Variants in SCRN1 observed in about 807,000 individuals in gnomAD.
SCRN1 encodes the protein secernin-1.
Under a neutral mutation model 43.3 loss-of-function variants are expected in SCRN1, and 19 were observed. The observed-to-expected ratio is 0.44, with a 90% CI of 0.31 to 0.64. SCRN1 has a LOEUF of 0.64. Among genes scored for constraint, SCRN1 ranks in the 30% least tolerant of loss-of-function variants. The pLI, the probability that SCRN1 is intolerant of heterozygous loss-of-function variation, is 0.09. For synonymous variants in SCRN1, 183 were observed against 188.9 expected (o/e 0.97, Z 0.26); for missense variants, 447 against 524.1 (o/e 0.85, Z 1.44).
chr7:29,954,917 G>T (rs1453496199), intron 3 of SCRN1, among the ~76,000 whole-genome samples: 1 of 152,112 alleles, frequency 6.6e-6, no homozygotes, highest in African/African-American at 2.4e-5. Context: ...CTGACCTCAG[G>T]TGATCCACCT....
At position 29,985,095 on chromosome 7, in the gene SCRN1, G is replaced by C. The variant is rs371910713; in HGVS notation, c.-2+4547C>G. On this transcript the variant is annotated intron_variant, in intron 1 of 7. Coordinates refer to ENST00000242059, the MANE Select transcript of SCRN1 (RefSeq NM_014766.5). ...CCAGTGAAGTTGGTAGACAGCTCTT[G>C]TTCATCTCATCCTAAAAGGAAGGAG... is the stretch of plus-strand genomic sequence containing the variant. Among the ~76,000 whole-genome samples the C allele has an allele frequency of 2.1e-5, 3 of 142,800 alleles. No individual in the cohort carries two copies. In the East Asian group the frequency reaches 6.0e-4, roughly 29 times the overall value. The allele number at this position is 142,800 out of a possible 152,430, so 93.7% of individuals were successfully genotyped here. A position where few individuals can be genotyped will look rare whatever the true frequency, so the allele number is the denominator to read the frequency against.
upstream of SCRN1, chr7:29,990,089 G>A: frequency 6.5e-7 from 1 of 1,543,284 alleles, no homozygotes; most frequent in East Asian, 2.5e-5. Context: ...GCCAGGCCCA[G>A]CATCCTTTTG....
chr7:29,985,198 G>GT lies in SCRN1; in HGVS notation c.-2+4443dup, dbSNP rs1036147668. On this transcript the variant is annotated intron_variant, in intron 1 of 7. Coordinates refer to ENST00000242059, the MANE Select transcript of SCRN1 (RefSeq NM_014766.5). Reference sequence around the variant, plus strand: ...AGGCAGGCGGATCATGAGGTCAGGAGTTTGAGACGAGCCTGACCAACATGG... The same window carrying GT: ...AGGCAGGCGGATCATGAGGTCAGGAGTTTTGAGACGAGCCTGACCAACATGG... Among the ~76,000 whole-genome samples the GT allele has an allele frequency of 9.1e-5, 13 of 143,498 alleles. 2 individuals are homozygous for GT. Among genetic ancestry groups the GT allele is most frequent in the South Asian group, 4.4e-4 (2 of 4,538 alleles). The allele number at this position is 143,498 out of a possible 152,430, so 94.1% of individuals were successfully genotyped here.
intron 1 of SCRN1, among the ~76,000 whole-genome samples, chr7:29,985,819 T>C (rs1789131777): frequency 6.6e-6 from 1 of 152,198 alleles, no homozygotes; most frequent in African/African-American, 2.4e-5. Flanking sequence ...CTTCTTGTAG[T>C]CCCTTTTCCG....
chr7:29,960,779 G>T (rs962496607), intron 2 of SCRN1, among the ~76,000 whole-genome samples: 1 of 151,836 alleles, frequency 6.6e-6, no homozygotes, highest in Non-Finnish European at 1.5e-5. Context: ...TCCTCAACAC[G>T]CCTACCTAGA....
rs1304665879 is a variant in SCRN1 at position 29,986,827 on chromosome 7, C to T, written c.-2+2815G>A. Among the ~76,000 whole-genome samples the T allele has an allele frequency of 8.0e-5, 12 of 149,168 alleles. No homozygotes were observed. The Admixed American group carries it at 8.2e-4, about 10-fold the overall frequency. On this transcript the variant is annotated intron_variant, in intron 1 of 7. Coordinates refer to ENST00000242059, the MANE Select transcript of SCRN1 (RefSeq NM_014766.5). ...GCAACCTCCGCCTCCCGGGTTCAAG[C>T]GATTCTCCTGCCTCAGCCTCCCAAG...
Position 29,936,703 on chromosome 7 carries a change from G to A in SCRN1, c.758C>T (p.Thr253Ile), listed in dbSNP as rs774007695. 3 of 1,554,874 alleles carry A rather than the reference G, an allele frequency of 1.9e-6. No homozygotes were observed. The Admixed American group carries it at 5.2e-5, about 27-fold the overall frequency. The change falls in exon 6 of 8, where the codon ACT becomes ATT. Residue 253 changes from threonine (T) to isoleucine (I), a missense_variant. Physicochemically the swap from Thr to Ile is moderately conservative, Grantham distance 89 (BLOSUM62 -1). Coordinates refer to ENST00000242059, the MANE Select transcript of SCRN1 (RefSeq NM_014766.5). ...TTTGTCCCGTAAGGTGTTCATCATA[G>A]TCTGCACTGTGATGCTTTCTGCAAA... Reference protein sequence around the residue: ...EKQEESITVQTMMNTLRDKAS... With the variant: ...EKQEESITVQIMMNTLRDKAS...
intron 3 of SCRN1, among the ~76,000 whole-genome samples, chr7:29,949,073 T>C (rs1787828811): frequency 6.6e-6 from 1 of 152,168 alleles, no homozygotes; most frequent in African/African-American, 2.4e-5. Context: ...CCTAGCACTT[T>C]GGGAGGCTGA....
chr7:29,942,801 C>T (rs566990076), intron 4 of SCRN1, among the ~76,000 whole-genome samples: 9 of 152,298 alleles, frequency 5.9e-5, no homozygotes, highest in Admixed American at 5.2e-4. Flanking sequence ...GCCACCCCCT[C>T]CTCCAGACAG....
At chr7:29,955,499 T>C (rs1486615696) in intron 2 of SCRN1, 139 bp from the exon 3 acceptor site, 1 of 768,768 alleles carries the variant, frequency 1.3e-6, no homozygotes, top group Non-Finnish European at 2.1e-6. Context: ...CCCTGATTTT[T>C]AAGTCTTCAC....
chr7:29,986,262 A>G (rs1396177316), intron 1 of SCRN1, among the ~76,000 whole-genome samples: 1 of 152,222 alleles, frequency 6.6e-6, no homozygotes, highest in African/African-American at 2.4e-5. Flanking sequence ...GATGCGAACC[A>G]TATTTGCAAT....
intron 5 of SCRN1, among the ~76,000 whole-genome samples, chr7:29,940,132 G>A (rs1787488348): frequency 6.6e-6 from 1 of 152,118 alleles, no homozygotes; most frequent in East Asian, 1.9e-4. Context: ...ACACACTTGA[G>A]TGTAGACAAC....
intron 1 of SCRN1, among the ~76,000 whole-genome samples, chr7:29,979,551 G>A (rs1010103947): frequency 6.6e-5 from 10 of 151,594 alleles, no homozygotes; most frequent in South Asian, 2.1e-4. Flanking sequence ...TCATTACGCC[G>A]TGCCCATTCA....
In SCRN1 at chr7:29,933,795, C is replaced by T. The variant is rs576177191; in HGVS notation, c.905+2761G>A. Among the ~76,000 whole-genome samples the T allele has an allele frequency of 2.6e-5, 4 of 152,266 alleles. No homozygotes were observed. The South Asian group carries it at 8.3e-4, about 32-fold the overall frequency. ...TCAAGGACAAGATCTATAATTAATA[C>T]AGTGAGAAAAGGACAGACAAGTGTC... is the stretch of plus-strand genomic sequence containing the variant. On this transcript the variant is annotated intron_variant, in intron 6 of 7. Transcript: ENST00000242059.
At chr7:29,946,208 A>G (rs1787733707) in intron 3 of SCRN1, among the ~76,000 whole-genome samples, 1 of 152,234 alleles carries the variant, frequency 6.6e-6, no homozygotes, top group East Asian at 1.9e-4. Context: ...AACCCACTAG[A>G]AGACTGAATT....
Position 29,921,884 on chromosome 7 carries a change from G to A in SCRN1, c.*2073C>T, listed in dbSNP as rs1452213199. On this transcript the variant is annotated 3_prime_UTR_variant, in exon 8 of 8. Coordinates refer to ENST00000242059, the MANE Select transcript of SCRN1 (RefSeq NM_014766.5). ...ATCCTGAATCACCTTGGTTATCTCA[G>A]ACATGTCAGGTCTGATGAGACATTT... 1 of 152,168 alleles carries A rather than the reference G, an allele frequency of 6.6e-6. No homozygotes were observed. The highest frequency in any genetic ancestry group is 1.5e-5 in the Non-Finnish European group (1 of 68,036). The allele number at this position is 152,168 out of a possible 1,614,324, so 9.4% of individuals were successfully genotyped here.
intron 2 of SCRN1, among the ~76,000 whole-genome samples, chr7:29,956,046 C>A (rs868235306): frequency 1.3e-5 from 2 of 152,254 alleles, no homozygotes; most frequent in African/African-American, 4.8e-5. Flanking sequence ...AGTGGTGCAT[C>A]TTACCTTCTC....
chr7:29,984,043 T>C (rs188199321), intron 1 of SCRN1, among the ~76,000 whole-genome samples: 1 of 152,024 alleles, frequency 6.6e-6, no homozygotes. Context: ...TTATCTCTAC[T>C]AAAAATACAA....
At chr7:29,976,906 T>A (rs978494398) in intron 1 of SCRN1, among the ~76,000 whole-genome samples, 6 of 152,194 alleles carry the variant, frequency 3.9e-5, no homozygotes, top group Non-Finnish European at 7.3e-5. Flanking sequence ...GGAGACCACA[T>A]ACAGAATGTG....
Sources: allele counts gnomAD v4.1 joint callset (sites outside exome capture counted in the v4.1 genomes callset), GRCh38; gene constraint gnomAD v4.1.1; transcripts MANE v1.5; gene names NCBI Gene and HGNC (gene_info 2026-07-23, HGNC 2026-07-21).